The following ABCA2 variants were observed in gnomAD, a reference collection of about 807,000 sequenced individuals.
ABCA2 encodes ATP-binding cassette sub-family A member 2.
A neutral mutation model predicts 262.8 loss-of-function variants in ABCA2; 84 were observed. The observed-to-expected ratio is 0.32, with a 90% CI of 0.27 to 0.38. ABCA2 has a LOEUF of 0.38. Ranked by LOEUF, ABCA2 falls within the 10% of genes least tolerant of loss-of-function variation. The pLI, the probability that ABCA2 is intolerant of heterozygous loss-of-function variation, is 1.00. For synonymous variants in ABCA2, 1,696 were observed against 1,502.9 expected (o/e 1.13, Z -2.97); for missense variants, 2,662 against 3,405.9 (o/e 0.78, Z 5.44).
At position 137,010,611 on chromosome 9, in the gene ABCA2, A is replaced by AAAAACCCC; in HGVS notation, c.6174+8_6174+9insGGGGTTTT. ...CACCCAGGCCCCACCCTACATGCCCAGAGCCCACCTTGGTCAGGTTCTCAA... is the reference window on the plus strand; with the variant it reads ...CACCCAGGCCCCACCCTACATGCCCAAAAACCCCGAGCCCACCTTGGTCAGGTTCTCAA... On this transcript the variant is annotated intron_variant, in intron 40 of 48. Transcript: ENST00000341511. 1 of 495,954 alleles carries AAAAACCCC rather than the reference A, an allele frequency of 2.0e-6. No individual in the cohort carries two copies. Among genetic ancestry groups the AAAAACCCC allele is most frequent in the Non-Finnish European group, 3.7e-6 (1 of 266,930 alleles). The allele number at this position is 495,954 out of a possible 1,614,324, so 30.7% of individuals were successfully genotyped here. A position where few individuals can be genotyped will look rare whatever the true frequency, so the allele number is the denominator to read the frequency against.
At position 137,019,051 on chromosome 9, in the gene ABCA2, A is replaced by C. The variant is rs778670278; in HGVS notation, c.1574T>G (p.Leu525Arg). ...WLQQYVAELR[L>R]HPEALNLSLD... The stretch of plus-strand genomic sequence containing the variant: ...TGACAGGTTCAGTGCCTCGGGGTGC[A>C]GCCGCAGCTCTGCTACATACTTGGG... The change falls in exon 12 of 49, where the codon CTG becomes CGG. Residue 525 changes from leucine (L) to arginine (R), a missense_variant. Coordinates refer to ENST00000341511, the MANE Select transcript of ABCA2 (RefSeq NM_001606.5). The surrounding 1 kb of genome is among the most constrained non-coding windows in gnomAD (Gnocchi z 4.4). 1.9e-6 allele frequency: 3 copies of C among 1,611,516 alleles called. No individual in the cohort carries two copies. In the East Asian group the frequency reaches 6.7e-5, roughly 36 times the overall value.
rs1046394583 is a variant in ABCA2, at chr9:137,016,110, G to A, written c.3169C>T (p.Arg1057Cys). The stretch of plus-strand genomic sequence containing the variant: ...TTGCGGATCTCATCCATCTCCGTGC[G>A]GATGTCGTGCCCGTAGATGGTGGCG... Reference protein sequence around the residue: ...GSATIYGHDIRTEMDEIRKNL... With the variant: ...GSATIYGHDICTEMDEIRKNL... The change falls in exon 22 of 49, where the codon CGC becomes TGC. Residue 1057 changes from arginine (R) to cysteine (C), a missense_variant. By Grantham distance (180) the Arg-to-Cys change is radical. Around this residue, in one of 12 missense-constraint regions of ABCA2, gnomAD observed 180 missense variants for 307.3 expected, o/e 0.59. Coordinates refer to ENST00000341511, the MANE Select transcript of ABCA2 (RefSeq NM_001606.5). 1.9e-6 allele frequency: 3 copies of A among 1,612,872 alleles called. No homozygotes were observed. The highest frequency in any genetic ancestry group is 2.2e-5 in the East Asian group (1 of 44,876).
intron 24 of ABCA2, 80 bp downstream of exon 24, chr9:137,015,334 G>A: frequency 6.9e-7 from 1 of 1,451,016 alleles, no homozygotes; most frequent in East Asian, 2.5e-5. Context: ...TGAGGGCCCA[G>A]CCTCTCCATT....
intron 9 of ABCA2, 79 bp downstream of exon 9, chr9:137,020,615 A>T: frequency 1.3e-6 from 2 of 1,564,266 alleles, no homozygotes; most frequent in Non-Finnish European, 1.7e-6. Flanking sequence ...TGAGACCTCC[A>T]GAGCCAGAGC....
chr9:137,015,709 G>A lies in ABCA2; in HGVS notation c.3480C>T (p.Arg1160=), dbSNP rs757081621. The A allele has an allele frequency of 2.4e-5, 38 of 1,610,294 alleles. No individual in the cohort carries two copies. Among genetic ancestry groups the A allele is most frequent in the East Asian group, 4.5e-5 (2 of 44,806 alleles). Reference sequence around the variant, plus strand: ...ACTTCAGGATGAGGTCCCAGATGGCGCGGCGCGCGTAGGGGTCCACGCCCG... The same window carrying A: ...ACTTCAGGATGAGGTCCCAGATGGCACGGCGCGCGTAGGGGTCCACGCCCG... ...PTAGVDPYAR[R]AIWDLILKYK... is the part of the protein sequence containing the mutation. The change falls in exon 23 of 49, where the codon CGC becomes CGT. Residue 1160 remains arginine, a synonymous_variant. Transcript: ENST00000341511.
chr9:137,022,120 AGTGGGGGCGTGGCTCAGATG>A (rs1429853405), intron 6 of ABCA2, 119 bp from the exon 7 acceptor site: 54 of 113,802 alleles, frequency 4.7e-4, no homozygotes, highest in Admixed American at 6.5e-4. Context: ...TGGCTCAGAG[AGTGGGGGCGTGGCTCAGATG>A]GTGGGGGCGT....
rs183887094 is a variant in ABCA2, at chr9:137,007,553, C to T, written c.*376G>A. On this transcript the variant is annotated 3_prime_UTR_variant, in exon 49 of 49. Transcript: ENST00000341511. ...GCCCGCTCTCGGCATCAGCCTTCAT[C>T]GTAAGAGAGAAAAGCTGGTTCCGAG... 407 of 336,276 alleles carry T rather than the reference C, an allele frequency of 1.2e-3. 1 individual carries two copies. Among genetic ancestry groups the T allele is most frequent in the Non-Finnish European group, 1.9e-3 (334 of 177,476 alleles). 20.8% of individuals were successfully genotyped at this position (336,276 alleles called of 1,614,324 possible).
chr9:137,012,628 G>GGCGGTGAGGCTAGGCAC, intron 31 of ABCA2, 38 bp from the exon 32 acceptor site: 1 of 1,610,204 alleles, frequency 6.2e-7, no homozygotes, highest in South Asian at 1.1e-5. Context: ...AGGCTAGGCA[G>GGCGGTGAGGCTAGGCAC]GCAGTGAGGC....
rs532868896 is a variant in ABCA2, at chr9:137,011,307, G to A, written c.5802C>T (p.Asp1934=). 6.2e-6 allele frequency: 10 copies of A among 1,611,086 alleles called. No individual in the cohort carries two copies. In the South Asian group the frequency reaches 9.9e-5, roughly 16 times the overall value. Reference sequence around the variant, plus strand: ...TCAGGTAACTGTTGACAACCTTCAGGTCCTGCGGGGTGGCCGGGGTCAGGG... The same window carrying A: ...TCAGGTAACTGTTGACAACCTTCAGATCCTGCGGGGTGGCCGGGGTCAGGG... ...FLLQLFEHDK[D]LKVVNSYLKS... is the part of the protein sequence containing the mutation. The change falls in exon 38 of 49, where the codon GAC becomes GAT. Residue 1934 remains aspartate, a splice_region_variant and synonymous_variant. Coordinates refer to ENST00000341511, the MANE Select transcript of ABCA2 (RefSeq NM_001606.5). This position sits in a 1 kb window ranked among gnomAD's most constrained non-coding sequence, Gnocchi z 8.8.
At position 137,010,282 on chromosome 9, in the gene ABCA2, G is replaced by A. The variant is rs377112130; in HGVS notation, c.6264C>T (p.Gly2088=). Residue 2088 remains glycine, a synonymous_variant, in exon 41 of 49, where the codon GGC becomes GGT. Transcript: ENST00000341511. ...TGCTGGTCTTGCCCGCACCGTTGAC[G>A]CCCAGGAGCCCGAAGCACTCGCCAG... ...VRPGECFGLL[G]VNGAGKTSTF... 32 of 1,595,046 alleles carry A rather than the reference G, an allele frequency of 2.0e-5. No individual in the cohort carries two copies. The highest frequency in any genetic ancestry group is 1.0e-4 in the Admixed American group (6 of 57,784).
chr9:137,010,465 CA>C, intron 40 of ABCA2, 94 bp from the exon 41 acceptor site: 1 of 1,482,624 alleles, frequency 6.7e-7, no homozygotes, highest in Non-Finnish European at 9.1e-7. Context: ...CTCCAGAGCC[CA>C]GGGGGCCACG....
intron 17 of ABCA2, 35 bp from the exon 18 acceptor site, chr9:137,017,381 C>T: frequency 6.2e-7 from 1 of 1,609,634 alleles, no homozygotes; most frequent in Non-Finnish European, 8.5e-7. Context: ...CCGTCATCCA[C>T]CCGCACGCCC....
intron 5 of ABCA2, 53 bp downstream of exon 5, chr9:137,022,649 C>G: frequency 6.3e-7 from 1 of 1,579,392 alleles, no homozygotes; most frequent in Admixed American, 1.8e-5. Flanking sequence ...AGCCCAGTGA[C>G]AGCAGAGCTT....
intron 6 of ABCA2, 45 bp downstream of exon 6, chr9:137,022,306 G>T: frequency 1.3e-6 from 2 of 1,543,708 alleles, no homozygotes; most frequent in Non-Finnish European, 1.7e-6. Flanking sequence ...GGGCGTGGCT[G>T]GGGCAGAAGG....
rs201682816 is a variant in ABCA2 at position 137,008,818 on chromosome 9, C to G, written c.6981G>C (p.Ser2327=). The G allele has an allele frequency of 1.3e-4, 202 of 1,604,904 alleles. No homozygotes were observed. Among genetic ancestry groups the G allele is most frequent in the Non-Finnish European group, 1.6e-4 (190 of 1,179,160 alleles). ...VQYQLKSEHI[S]LAQVFSKMEQ... ...CCATCTTGCTGAACACCTGGGCCAG[C>G]GAGATGTGCTCCGACTTGAGCTGGT... The change falls in exon 47 of 49, where the codon TCG becomes TCC. Residue 2327 remains serine, a synonymous_variant. Coordinates refer to ENST00000341511, the MANE Select transcript of ABCA2 (RefSeq NM_001606.5).
rs1205063413 is a variant in ABCA2 at position 137,024,263 on chromosome 9, T to C, written c.67-27A>G. On this transcript the variant is annotated intron_variant, in intron 1 of 48. Transcript: ENST00000341511. ...TGGAAAGGGTGGGCCCAGTGAGGGA[T>C]AGGACAGACCTGTGCTCGCCTAGGC... 5 of 1,584,744 alleles carry C rather than the reference T, an allele frequency of 3.2e-6. No individual in the cohort carries two copies. The African/African-American group carries it at 5.4e-5, about 17-fold the overall frequency.
Position 137,008,770 on chromosome 9 carries a change from G to T in ABCA2, c.7029C>A (p.Gly2343=). 6.3e-7 allele frequency: 1 copy of T among 1,595,050 alleles called. No individual in the cohort carries two copies. Among genetic ancestry groups the T allele is most frequent in the East Asian group, 2.3e-5 (1 of 44,404 alleles). ...TCTGGCTGACCGAGTAGTCCTCGAT[G>T]CCCAGCACGCCAGACACCTGCTCCA... The part of the protein sequence containing the change: ...SKMEQVSGVL[G]IEDYSVSQTT... Residue 2343 remains glycine, a synonymous_variant, in exon 47 of 49, where the codon GGC becomes GGA. Transcript: ENST00000341511.
In ABCA2 at chr9:137,017,675, G is replaced by T; in HGVS notation, c.2229C>A (p.Gly743=). 6.2e-7 allele frequency: 1 copy of T among 1,609,532 alleles called. No homozygotes were observed. The highest frequency in any genetic ancestry group is 8.5e-7 in the Non-Finnish European group (1 of 1,177,246). Residue 743 remains glycine (G), a synonymous_variant, in exon 17 of 49, where the codon GGC becomes GGA. Coordinates refer to ENST00000341511, the MANE Select transcript of ABCA2 (RefSeq NM_001606.5). ...CCACCCAGTGCACCGCGTTGTTCAG[G>T]CCCATGGTCTTCATCACCTGCGGGT... ...HRLKEVMKTM[G]LNNAVHWVAW...
Position 137,016,120 on chromosome 9 carries a change from C to G in ABCA2, c.3159G>C (p.Gly1053=). The change falls in exon 22 of 49, where the codon GGG becomes GGC. Residue 1053 remains glycine, a synonymous_variant. Transcript: ENST00000341511. ...CATCCATCTCCGTGCGGATGTCGTG[C>G]CCGTAGATGGTGGCGGAACCCGACG... ...PPTSGSATIY[G]HDIRTEMDEI... 6.2e-7 allele frequency: 1 copy of G among 1,612,874 alleles called. No individual in the cohort carries two copies. The highest frequency in any genetic ancestry group is 8.5e-7 in the Non-Finnish European group (1 of 1,180,016).
Sources: allele counts gnomAD v4.1 joint callset, GRCh38; gene constraint gnomAD v4.1.1; regional missense constraint gnomAD v4.1.1; non-coding constraint Gnocchi (gnomAD v3.1); transcripts MANE v1.5; gene names NCBI Gene and HGNC (gene_info 2026-07-23, HGNC 2026-07-21).